The following CADM2 variants were observed in gnomAD, a reference collection of about 807,000 sequenced individuals.
CADM2 encodes the protein cell adhesion molecule 2.
Under a neutral mutation model 49.8 loss-of-function variants are expected in CADM2, and 12 were observed. The observed-to-expected ratio is 0.24, with a 90% CI of 0.15 to 0.39. The LOEUF (loss-of-function observed/expected upper bound fraction) is 0.39. Ranked by LOEUF, CADM2 falls within the 10% of genes least tolerant of loss-of-function variation. The pLI is 1.00. For missense variants in CADM2, 378 were observed against 492.3 expected, an observed-to-expected ratio of 0.77 and a Z score of 2.20; for synonymous variants, 214 against 175.4, an observed-to-expected ratio of 1.22 and a Z score of -1.74.
chr3:85,189,124 A>C (rs537409092), intron 1 of CADM2, among the ~76,000 whole-genome samples: 66 of 151,720 alleles, frequency 4.4e-4, no homozygotes, highest in African/African-American at 1.5e-3. Flanking sequence ...TGAAGTTTGC[A>C]TCTGTTGATA....
intron 1 of CADM2, among the ~76,000 whole-genome samples, chr3:85,622,759 C>G (rs9831610): frequency 6.6e-6 from 1 of 152,064 alleles, no homozygotes; most frequent in East Asian, 1.9e-4. Context: ...TTAAGAATTT[C>G]AACTTATTTG....
intron 1 of CADM2, among the ~76,000 whole-genome samples, chr3:85,707,342 T>C (rs2066980935): frequency 6.6e-6 from 1 of 151,804 alleles, no homozygotes; most frequent in Non-Finnish European, 1.5e-5. Context: ...ATTACCACTA[T>C]TTTCTAGGAC....
intron 1 of CADM2, among the ~76,000 whole-genome samples, chr3:85,310,313 A>T (rs1018274173): frequency 6.6e-6 from 1 of 152,208 alleles, no homozygotes; most frequent in African/African-American, 2.4e-5. Flanking sequence ...TGGAGGGCAC[A>T]GGATTTCATA....
chr3:85,290,525 A>C (rs939960142), intron 1 of CADM2, among the ~76,000 whole-genome samples: 6 of 152,196 alleles, frequency 3.9e-5, no homozygotes, highest in African/African-American at 1.4e-4. Context: ...ACCTCTGCAG[A>C]CTTAAATGTC....
intron 1 of CADM2, among the ~76,000 whole-genome samples, chr3:85,191,973 T>A (rs2041220725): frequency 1.6e-5 from 2 of 126,508 alleles, no homozygotes; most frequent in Admixed American, 1.5e-4. Flanking sequence ...GTGTGTGTAT[T>A]TTTTTAACCA....
chr3:86,059,077 G>A (rs1002918994), intron 8 of CADM2, among the ~76,000 whole-genome samples: 1 of 140,016 alleles, frequency 7.1e-6, no homozygotes, highest in Admixed American at 7.5e-5. Context: ...CTGGGTGACA[G>A]AGCGAGACTC....
chr3:85,046,510 T>C (rs2035662474), intron 1 of CADM2, among the ~76,000 whole-genome samples: 1 of 152,102 alleles, frequency 6.6e-6, no homozygotes, highest in East Asian at 1.9e-4. Context: ...GTTATAATGA[T>C]ATTTTTCAGC....
chr3:85,960,970 A>C (rs1037236309), intron 7 of CADM2, among the ~76,000 whole-genome samples: 3 of 147,488 alleles, frequency 2.0e-5, no homozygotes, highest in Non-Finnish European at 4.5e-5. Flanking sequence ...TTATATATTT[A>C]ATATTATTTA....
chr3:86,022,180 C>T (rs143828654), intron 8 of CADM2, among the ~76,000 whole-genome samples: 268 of 152,068 alleles, frequency 1.8e-3, no homozygotes, highest in African/African-American at 6.2e-3. Flanking sequence ...ACATAATTGT[C>T]ATTTTAGCTT....
intron 1 of CADM2, among the ~76,000 whole-genome samples, chr3:85,200,128 C>T (rs1459438743): frequency 3.3e-5 from 5 of 151,898 alleles, no homozygotes; most frequent in African/African-American, 7.2e-5. Flanking sequence ...TCAGTGAAAA[C>T]GTGGTTTTAA....
intron 3 of CADM2, among the ~76,000 whole-genome samples, chr3:85,851,063 C>A (rs2075090480): frequency 6.6e-6 from 1 of 152,144 alleles, no homozygotes; most frequent in Non-Finnish European, 1.5e-5. Flanking sequence ...ATGCAACCCT[C>A]AAAGTCTTTC....
chr3:85,271,253 T>C (rs1490128860), intron 1 of CADM2, among the ~76,000 whole-genome samples: 3 of 151,380 alleles, frequency 2.0e-5, no homozygotes, highest in Non-Finnish European at 4.4e-5. Context: ...TGCTATAATC[T>C]TATGTTTGCT....
At chr3:85,518,236 C>G (rs2060949980) in intron 1 of CADM2, among the ~76,000 whole-genome samples, 1 of 152,160 alleles carries the variant, frequency 6.6e-6, no homozygotes, top group Non-Finnish European at 1.5e-5. Context: ...AGGGATCCTC[C>G]CACCTCAGTC....
chr3:85,786,836 G>A (rs574881121), intron 2 of CADM2, among the ~76,000 whole-genome samples: 6 of 151,928 alleles, frequency 3.9e-5, no homozygotes, highest in Non-Finnish European at 8.8e-5. Context: ...AAAAACTCTG[G>A]TTTTGGAAAA....
chr3:85,099,536 C>A (rs2037932804), intron 1 of CADM2, among the ~76,000 whole-genome samples: 1 of 149,606 alleles, frequency 6.7e-6, no homozygotes, highest in East Asian at 1.9e-4. Flanking sequence ...ATGGCAAAAT[C>A]TCTGCTCACT....
chr3:85,254,949 C>T (rs1342673685), intron 1 of CADM2, among the ~76,000 whole-genome samples: 1 of 152,102 alleles, frequency 6.6e-6, no homozygotes, highest in Non-Finnish European at 1.5e-5. Context: ...TGCGAGTCAG[C>T]CTCTAGGACA....
At chr3:85,856,304 G>C (rs2075316164) in intron 3 of CADM2, among the ~76,000 whole-genome samples, 1 of 152,036 alleles carries the variant, frequency 6.6e-6, no homozygotes, top group Non-Finnish European at 1.5e-5. Flanking sequence ...CTCTATTTAA[G>C]TGCTGAACCA....
chr3:85,075,821 C>CA (rs2036920336), intron 1 of CADM2, among the ~76,000 whole-genome samples: 1 of 152,092 alleles, frequency 6.6e-6, no homozygotes, highest in African/African-American at 2.4e-5. Flanking sequence ...AAATGCAACA[C>CA]AACTATTGAA....
At chr3:85,772,008 C>CTTTTTTTTTTTTT (rs397938377) in intron 2 of CADM2, among the ~76,000 whole-genome samples, 1 of 112,220 alleles carries the variant, frequency 8.9e-6, no homozygotes, top group Non-Finnish European at 1.9e-5. Context: ...TTCTTTCTTT[C>CTTTTTTTTTTTTT]TTTTTTTTTT....
Sources: gnomAD v4.1 joint callset for allele counts (sites outside exome capture counted in the v4.1 genomes callset) on GRCh38, gnomAD v4.1.1 for gene constraint, MANE v1.5 for transcripts, NCBI Gene and HGNC (gene_info 2026-07-23, HGNC 2026-07-21) for gene names.